BIRC5: variants seen among roughly 807,000 people sequenced by gnomAD.
BIRC5 encodes baculoviral IAP repeat-containing protein 5.
In BIRC5, 8 loss-of-function variants were observed where a neutral mutation model predicts 15.8. The observed-to-expected ratio is 0.51, with a 90% CI of 0.30 to 0.91. The LOEUF is 0.91. Ranked by LOEUF, BIRC5 falls within the 40% of genes least tolerant of loss-of-function variation. The pLI, the probability that BIRC5 is intolerant of heterozygous loss-of-function variation, is 0.07. For synonymous variants in BIRC5, 56 were observed against 64.5 expected, an observed-to-expected ratio of 0.87 and a Z score of 0.63; for missense variants, 163 against 178.6, an observed-to-expected ratio of 0.91 and a Z score of 0.50.
intron 2 of BIRC5, 107 bp downstream of exon 2, chr17:78,214,896 T>G (rs780461646): frequency 9.6e-7 from 1 of 1,040,560 alleles, no homozygotes; most frequent in Non-Finnish European, 1.4e-6. Context: ...CCACCCTCAT[T>G]GCTTCTTAAA....
rs369868297 is a variant in BIRC5 at position 78,218,689 on chromosome 17, G to A, written c.339+1908G>A. 3.0e-3 allele frequency among the ~76,000 whole-genome samples: 443 copies of A among 149,990 alleles called. 1 individual carries two copies. The highest frequency in any genetic ancestry group is 4.4e-3 in the Non-Finnish European group (295 of 67,592). ...ACGATCTCAGCTCACTACAAGCTCC[G>A]CCTCCCGGGTTCACGCCATTCTTCT... On this transcript the variant is annotated intron_variant, in intron 3 of 3. Transcript: ENST00000350051.
intron 3 of BIRC5, among the ~76,000 whole-genome samples, chr17:78,220,930 C>T (rs956100631): frequency 5.3e-5 from 8 of 152,264 alleles, no homozygotes; most frequent in African/African-American, 1.9e-4. Context: ...TGGGGATTCC[C>T]AAGATCCCAG....
chr17:78,220,620 A>G (rs1483289737), intron 3 of BIRC5, among the ~76,000 whole-genome samples: 1 of 152,144 alleles, frequency 6.6e-6, no homozygotes, highest in Non-Finnish European at 1.5e-5. Context: ...CTTGGCTTTT[A>G]TTTTGAACTG....
At chr17:78,223,072 GGTGCC>G in intron 3 of BIRC5, 13 of 1,308,686 alleles carry the variant, frequency 9.9e-6, no homozygotes, top group Non-Finnish European at 1.0e-5. Flanking sequence ...GACTAGCTGG[GGTGCC>G]TAGACTAGCT....
At chr17:78,222,344 A>G (rs2076520945) in intron 3 of BIRC5, among the ~76,000 whole-genome samples, 1 of 151,758 alleles carries the variant, frequency 6.6e-6, no homozygotes, top group African/African-American at 2.4e-5. Flanking sequence ...ACATGAGGTA[A>G]AACTTAGGAT....
intron 3 of BIRC5, among the ~76,000 whole-genome samples, chr17:78,222,020 A>G (rs772581777): frequency 6.6e-6 from 1 of 151,896 alleles, no homozygotes; most frequent in African/African-American, 2.4e-5. Flanking sequence ...CAATGTGGCC[A>G]GACCTCATCT....
chr17:78,224,734 T>A lies in BIRC5; in HGVS notation c.*1180T>A, dbSNP rs947626750. 6 of 152,164 alleles carry A rather than the reference T, an allele frequency of 3.9e-5. No homozygotes were observed. The highest frequency in any genetic ancestry group is 8.8e-5 in the Non-Finnish European group (6 of 68,036). 9.4% of individuals were successfully genotyped at this position (152,164 alleles called of 1,614,324 possible). A position where few individuals can be genotyped will look rare whatever the true frequency, so the allele number is the denominator to read the frequency against. On this transcript the variant is annotated 3_prime_UTR_variant, in exon 4 of 4. Coordinates refer to ENST00000350051, the MANE Select transcript of BIRC5 (RefSeq NM_001168.3). ...GGACCCTACTGGGTTTTTAAAATAT[T>A]GTCAGTTTTTCATCGTCGTCCCTAG... is the stretch of plus-strand genomic sequence containing the variant.
chr17:78,223,091 T>TGCCCAG, intron 3 of BIRC5: 5 of 1,191,524 alleles, frequency 4.2e-6, no homozygotes, highest in African/African-American at 1.5e-5. Context: ...ACTAGCTGGG[T>TGCCCAG]ACTTTGAGTG....
Position 78,225,515 on chromosome 17 carries a change from GAC to G in BIRC5, c.*1963_*1964del, listed in dbSNP as rs1216218127. 1 of 152,236 alleles carries G rather than the reference GAC, an allele frequency of 6.6e-6. No homozygotes were observed. The highest frequency in any genetic ancestry group is 6.5e-5 in the Admixed American group (1 of 15,270). The allele number at this position is 152,236 out of a possible 1,614,324, so 9.4% of individuals were successfully genotyped here. On this transcript the variant is annotated 3_prime_UTR_variant, in exon 4 of 4. Coordinates refer to ENST00000350051, the MANE Select transcript of BIRC5 (RefSeq NM_001168.3). ...GCCAACTGCCATCCTGGAAAGTAGA[GAC>G]AGCAGTGCCCGCTGCCCAGAAGAGA...
intron 3 of BIRC5, among the ~76,000 whole-genome samples, chr17:78,220,423 G>A (rs1388474678): frequency 1.0e-5 from 1 of 100,192 alleles, no homozygotes; most frequent in Non-Finnish European, 2.1e-5. Flanking sequence ...GCGAGACTCC[G>A]TCTCAAAAAA....
At chr17:78,217,120 C>T (rs959212084) in intron 3 of BIRC5, among the ~76,000 whole-genome samples, 3 of 149,952 alleles carry the variant, frequency 2.0e-5, no homozygotes, top group Non-Finnish European at 4.4e-5. Context: ...CCTCGTGATT[C>T]GCCCACCTTG....
Position 78,223,790 on chromosome 17 carries a change from CT to C in BIRC5, c.*242del, listed in dbSNP as rs775748394. On this transcript the variant is annotated 3_prime_UTR_variant, in exon 4 of 4. Coordinates refer to ENST00000350051, the MANE Select transcript of BIRC5 (RefSeq NM_001168.3). ...AGTGGCTGCTTCTCTCTCTCTCTCT[CT>C]TTTTTGGGGGCTCATTTTTGCTGTT... 12 of 833,226 alleles carry C rather than the reference CT, an allele frequency of 1.4e-5. No homozygotes were observed. The highest frequency in any genetic ancestry group is 3.6e-4 in the Middle Eastern group (1 of 2,760). 51.6% of individuals were successfully genotyped at this position (833,226 alleles called of 1,614,324 possible).
rs747444783 is a variant in BIRC5 at position 78,216,715 on chromosome 17, G to A, written c.273G>A (p.Lys91=). The change falls in exon 3 of 4, where the codon AAG becomes AAA. Residue 91 remains lysine, a synonymous_variant. Coordinates refer to ENST00000350051, the MANE Select transcript of BIRC5 (RefSeq NM_001168.3). The part of the protein sequence containing the change: ...SSGCAFLSVK[K]QFEELTLGEF... Reference sequence around the variant, plus strand: ...GTTGCGCTTTCCTTTCTGTCAAGAAGCAGTTTGAAGAATTAACCCTTGGTG... The same window carrying A: ...GTTGCGCTTTCCTTTCTGTCAAGAAACAGTTTGAAGAATTAACCCTTGGTG... The A allele has an allele frequency of 4.3e-6, 7 of 1,613,900 alleles. No homozygotes were observed. In the Admixed American group the frequency reaches 5.0e-5, roughly 12 times the overall value.
intron 3 of BIRC5, among the ~76,000 whole-genome samples, chr17:78,217,036 C>T (rs889022521): frequency 6.6e-6 from 1 of 152,140 alleles, no homozygotes; most frequent in Non-Finnish European, 1.5e-5. Flanking sequence ...AGTGCCACCA[C>T]ACCCAGCTAA....
intron 3 of BIRC5, among the ~76,000 whole-genome samples, chr17:78,220,639 G>T (rs932455652): frequency 2.0e-5 from 3 of 152,050 alleles, no homozygotes; most frequent in East Asian, 3.9e-4. Flanking sequence ...TGTTTTTTTT[G>T]TTTGTTTGTT....
chr17:78,214,839 T>C lies in BIRC5; in HGVS notation c.221+50T>C, dbSNP rs368226135. On this transcript the variant is annotated intron_variant, in intron 2 of 3. Transcript: ENST00000350051. ...ATGGGCTTTGTTTTGAACTGAGTTGTCAAAAGATTTGAGTTGCAAAGACAC... is the reference window on the plus strand; with the variant it reads ...ATGGGCTTTGTTTTGAACTGAGTTGCCAAAAGATTTGAGTTGCAAAGACAC... 2.0e-5 allele frequency: 30 copies of C among 1,522,212 alleles called. No homozygotes were observed. In the African/African-American group the frequency reaches 3.9e-4, roughly 20 times the overall value. 94.3% of individuals were successfully genotyped at this position (1,522,212 alleles called of 1,614,324 possible).
At chr17:78,216,961 C>A (rs548050616) in intron 3 of BIRC5, among the ~76,000 whole-genome samples, 180 bp downstream of exon 3, 2 of 151,828 alleles carry the variant, frequency 1.3e-5, no homozygotes, top group African/African-American at 4.8e-5. Flanking sequence ...CTCACTGCAA[C>A]CTCTGCCTCT....
intron 3 of BIRC5, among the ~76,000 whole-genome samples, chr17:78,220,301 G>A (rs890754278): frequency 6.6e-6 from 1 of 152,020 alleles, no homozygotes; most frequent in Non-Finnish European, 1.5e-5. Context: ...GGTGGCGGGC[G>A]CCTGTAGTCC....
At chr17:78,218,187 C>T (rs1046045578) in intron 3 of BIRC5, among the ~76,000 whole-genome samples, 4 of 151,810 alleles carry the variant, frequency 2.6e-5, no homozygotes, top group East Asian at 1.9e-4. Context: ...AAGTATATAC[C>T]GGTATAAGTA....
Sources: gnomAD v4.1 joint callset for allele counts (sites outside exome capture counted in the v4.1 genomes callset) on GRCh38, gnomAD v4.1.1 for gene constraint, MANE v1.5 for transcripts, NCBI Gene and HGNC (gene_info 2026-07-23, HGNC 2026-07-21) for gene names.